The following KSR1 variants were observed in gnomAD, a reference collection of about 807,000 sequenced individuals.
KSR1 encodes kinase suppressor of ras.
In KSR1, 35 loss-of-function variants were observed where a neutral mutation model predicts 92.9. The ratio of observed to expected loss-of-function variants is 0.38; its 90% CI spans 0.29 to 0.50. The LOEUF is 0.50. Ranked by LOEUF, KSR1 falls within the 20% of genes least tolerant of loss-of-function variation. The pLI is 0.94. For synonymous variants in KSR1, 467 were observed against 472.6 expected (o/e 0.99, Z 0.15); for missense variants, 972 against 1,158.5 (o/e 0.84, Z 2.34).
At chr17:27,549,567 TTTTAGCCA>T (rs1274263504) in intron 1 of KSR1, among the ~76,000 whole-genome samples, 1 of 152,208 alleles carries the variant, frequency 6.6e-6, no homozygotes, top group Non-Finnish European at 1.5e-5. Context: ...TTATTTGAAG[TTTTAGCCA>T]TTTGCGAGTC....
intron 4 of KSR1, among the ~76,000 whole-genome samples, chr17:27,584,957 G>A (rs1159385995): frequency 6.6e-6 from 1 of 152,160 alleles, no homozygotes; most frequent in Non-Finnish European, 1.5e-5. Flanking sequence ...CTTTTTCTGA[G>A]AAGGAGTCTT....
Position 27,617,280 on chromosome 17 carries a change from C to A in KSR1, c.2494-15C>A. 2 of 1,600,538 alleles carry A rather than the reference C, an allele frequency of 1.2e-6. No homozygotes were observed. Among genetic ancestry groups the A allele is most frequent in the South Asian group, 1.1e-5 (1 of 89,882 alleles). ...CAGCCAGCTCACACACCACTAATGG[C>A]AGCTCCATTTGCAGGAGATCCTGTC... On this transcript the variant is annotated splice_polypyrimidine_tract_variant and intron_variant, in intron 18 of 20. Transcript: ENST00000644974.
chr17:27,526,353 A>G (rs920337315), intron 1 of KSR1: 4 of 1,373,962 alleles, frequency 2.9e-6, no homozygotes, highest in Non-Finnish European at 4.0e-6. Context: ...CTTTGCCAAC[A>G]CAATTAATTA....
chr17:27,506,813 G>A (rs1264460454), intron 1 of KSR1, among the ~76,000 whole-genome samples: 7 of 152,128 alleles, frequency 4.6e-5, no homozygotes, highest in African/African-American at 1.7e-4. Context: ...GAGGAAGACC[G>A]AGGGGAAAGC....
intron 2 of KSR1, among the ~76,000 whole-genome samples, chr17:27,560,733 C>T (rs1200097102): frequency 1.3e-5 from 2 of 152,216 alleles, no homozygotes; most frequent in Non-Finnish European, 2.9e-5. Context: ...GTCGGCATGA[C>T]TATGGCCCTC....
At position 27,589,883 on chromosome 17, in the gene KSR1, G is replaced by C. The variant is rs916120579; in HGVS notation, c.1047-928G>C. On this transcript the variant is annotated intron_variant, in intron 6 of 20. Coordinates refer to ENST00000644974, the MANE Select transcript of KSR1 (RefSeq NM_001394583.1). ...AACTCCTCAACCCCCTCTTTAAAGA[G>C]GTCTTAGCTGTGTGTTGTCTTCTAG... 3.9e-5 allele frequency among the ~76,000 whole-genome samples: 6 copies of C among 152,212 alleles called. No individual in the cohort carries two copies. The South Asian group carries it at 1.2e-3, about 32-fold the overall frequency.
At chr17:27,566,627 GTC>G in intron 2 of KSR1, 1 of 398,926 alleles carries the variant, frequency 2.5e-6, no homozygotes, top group African/African-American at 2.1e-5. Context: ...CTGGAGTTGA[GTC>G]TGTTTGCTAG....
intron 18 of KSR1, 144 bp from the exon 19 acceptor site, chr17:27,617,151 C>G (rs1440314779): frequency 1.3e-6 from 1 of 796,304 alleles, no homozygotes; most frequent in Non-Finnish European, 1.8e-6. Flanking sequence ...TACTTCTCAC[C>G]CCTTCATGTC....
At position 27,572,893 on chromosome 17, in the gene KSR1, C is replaced by T. The variant is rs534127506; in HGVS notation, c.373-4599C>T. Reference sequence around the variant, plus strand: ...CCCCTCGCAGGGGCCTTCACAGCCACGCGACCGTCCTGGTAGCTTTCCTTT... The same window carrying T: ...CCCCTCGCAGGGGCCTTCACAGCCATGCGACCGTCCTGGTAGCTTTCCTTT... On this transcript the variant is annotated intron_variant, in intron 2 of 20. Coordinates refer to ENST00000644974, the MANE Select transcript of KSR1 (RefSeq NM_001394583.1). Among the ~76,000 whole-genome samples the T allele has an allele frequency of 6.6e-5, 10 of 152,272 alleles. No homozygotes were observed. The South Asian group carries it at 1.7e-3, about 25-fold the overall frequency.
intron 1 of KSR1, 78 bp from the exon 2 acceptor site, chr17:27,550,490 C>T (rs906613480): frequency 2.7e-6 from 2 of 743,654 alleles, no homozygotes; most frequent in African/African-American, 1.7e-5. Context: ...TGCCTGAGCT[C>T]CTCTGTAGTG....
At chr17:27,500,671 A>G (rs938670540) in intron 1 of KSR1, among the ~76,000 whole-genome samples, 7 of 152,204 alleles carry the variant, frequency 4.6e-5, no homozygotes, top group Admixed American at 1.3e-4. Flanking sequence ...AATTTGGGAG[A>G]AATTGAGGAG....
intron 1 of KSR1, among the ~76,000 whole-genome samples, chr17:27,532,393 G>C (rs938547012): frequency 1.3e-5 from 2 of 152,206 alleles, no homozygotes; most frequent in Admixed American, 1.3e-4. Context: ...GTGTTGTCCT[G>C]CGCGGCAGAG....
In KSR1 at chr17:27,597,438, TACC is replaced by T. The variant is rs768917292; in HGVS notation, c.1468+5_1468+7del. On this transcript the variant is annotated splice_donor_5th_base_variant and intron_variant, in intron 10 of 20. Coordinates refer to ENST00000644974, the MANE Select transcript of KSR1 (RefSeq NM_001394583.1). Reference sequence around the variant, plus strand: ...GGGACAGCAGGTTCAACTTCCCAGGTACCACATCTCCAGGCTTTTCTGGGTTCT... The same window carrying T: ...GGGACAGCAGGTTCAACTTCCCAGGTACATCTCCAGGCTTTTCTGGGTTCT... 8.1e-6 allele frequency: 13 copies of T among 1,599,672 alleles called. No homozygotes were observed. Among genetic ancestry groups the T allele is most frequent in the African/African-American group, 6.7e-5 (5 of 74,694 alleles).
chr17:27,479,138 GTGCTCCTCCCTCCATCCA>G (rs978100590), intron 1 of KSR1, among the ~76,000 whole-genome samples: 38 of 129,040 alleles, frequency 2.9e-4, no homozygotes, highest in Non-Finnish European at 5.5e-4. Context: ...GTCTCCCTGT[GTGCTCCTCCCTCCATCCA>G]TGCTCCTCCC....
At chr17:27,602,552 T>C (rs1043320666) in intron 11 of KSR1, among the ~76,000 whole-genome samples, 3 of 152,194 alleles carry the variant, frequency 2.0e-5, no homozygotes, top group Non-Finnish European at 4.4e-5. Flanking sequence ...CTCTTAACTT[T>C]TAAGCAAAAG....
Position 27,456,628 on chromosome 17 carries a change from G to C in KSR1, c.-16G>C, listed in dbSNP as rs1243638161. Reference sequence around the variant, plus strand: ...CGGGCTCCCAGCCTCGGCCGCCGCGGCCCCGATGCCGAGGCATGGATAGAG... The same window carrying C: ...CGGGCTCCCAGCCTCGGCCGCCGCGCCCCCGATGCCGAGGCATGGATAGAG... On this transcript the variant is annotated 5_prime_UTR_variant, in exon 1 of 21. Transcript: ENST00000644974. 1 of 505,072 alleles carries C rather than the reference G, an allele frequency of 2.0e-6. No individual in the cohort carries two copies. The highest frequency in any genetic ancestry group is 3.6e-5 in the East Asian group (1 of 28,046). 31.3% of individuals were successfully genotyped at this position (505,072 alleles called of 1,614,324 possible).
intron 6 of KSR1, among the ~76,000 whole-genome samples, chr17:27,590,591 C>T (rs535361768): frequency 4.7e-4 from 71 of 152,358 alleles, no homozygotes; most frequent in African/African-American, 1.7e-3. Flanking sequence ...ACCACACCAA[C>T]TTCAGCATAT....
At chr17:27,585,573 G>T in intron 4 of KSR1, 84 bp from the exon 5 acceptor site, 1 of 722,098 alleles carries the variant, frequency 1.4e-6, no homozygotes, top group Admixed American at 2.0e-5. Flanking sequence ...CCCCTTGCCT[G>T]CTCCCGCCCA....
At chr17:27,480,372 A>G (rs141900990) in intron 1 of KSR1, among the ~76,000 whole-genome samples, 1 of 152,066 alleles carries the variant, frequency 6.6e-6, no homozygotes, top group Non-Finnish European at 1.5e-5. Context: ...TTTCTCTTTC[A>G]TTCACTGATT....
Sources: gnomAD v4.1 joint callset for allele counts (sites outside exome capture counted in the v4.1 genomes callset) on GRCh38, gnomAD v4.1.1 for gene constraint, MANE v1.5 for transcripts, NCBI Gene and HGNC (gene_info 2026-07-23, HGNC 2026-07-21) for gene names.